Variants in SCARA5 observed in about 807,000 individuals in gnomAD.
The protein encoded by SCARA5 is scavenger receptor class A member 5.
A neutral mutation model predicts 46.3 loss-of-function variants in SCARA5; 45 were observed. The ratio of observed to expected loss-of-function variants is 0.97; its 90% CI spans 0.76 to 1.24. The LOEUF is 1.24. Among genes scored for constraint, SCARA5 ranks in the 50% most tolerant of loss-of-function variants. The pLI, the probability that SCARA5 is intolerant of heterozygous loss-of-function variation, is 0.00. For synonymous variants in SCARA5, 333 were observed against 306.5 expected, an observed-to-expected ratio of 1.09 and a Z score of -0.90; for missense variants, 680 against 689.0, an observed-to-expected ratio of 0.99 and a Z score of 0.15.
intron 3 of SCARA5, among the ~76,000 whole-genome samples, chr8:27,965,193 A>T (rs893034495): frequency 6.6e-6 from 1 of 152,200 alleles, no homozygotes; most frequent in African/African-American, 2.4e-5. Flanking sequence ...GGCAGCATTG[A>T]ACACCCCATT....
chr8:27,891,136 A>G (rs1031962246), intron 7 of SCARA5, among the ~76,000 whole-genome samples: 1 of 151,968 alleles, frequency 6.6e-6, no homozygotes, highest in Non-Finnish European at 1.5e-5. Flanking sequence ...CTGAACCTCA[A>G]CCTTCCCTCT....
At chr8:27,959,983 A>G (rs901606682) in intron 3 of SCARA5, among the ~76,000 whole-genome samples, 2 of 152,188 alleles carry the variant, frequency 1.3e-5, no homozygotes, top group East Asian at 1.9e-4. Flanking sequence ...GACCTCTCCA[A>G]CAATGTCTCC....
intron 7 of SCARA5, among the ~76,000 whole-genome samples, chr8:27,887,486 G>A (rs1215653012): frequency 6.6e-6 from 1 of 152,146 alleles, no homozygotes; most frequent in East Asian, 1.9e-4. Context: ...AATGGCACCG[G>A]CACATAGCAT....
At chr8:27,925,929 C>T (rs542642425) in intron 3 of SCARA5, among the ~76,000 whole-genome samples, 163 of 152,286 alleles carry the variant, frequency 1.1e-3, no homozygotes, top group African/African-American at 3.8e-3. Flanking sequence ...GAATGGCAAT[C>T]ATTAAAAAGT....
At chr8:27,944,324 G>A (rs1283498539) in intron 3 of SCARA5, among the ~76,000 whole-genome samples, 1 of 152,162 alleles carries the variant, frequency 6.6e-6, no homozygotes, top group Non-Finnish European at 1.5e-5. Context: ...TTCAGTAATT[G>A]TATAGTGGTG....
chr8:27,972,951 A>G (rs1329697564), intron 2 of SCARA5, among the ~76,000 whole-genome samples: 1 of 152,168 alleles, frequency 6.6e-6, no homozygotes, highest in African/African-American at 2.4e-5. Flanking sequence ...CATCTTTCAC[A>G]CCATCCTCAT....
chr8:27,976,384 G>C (rs553329197), intron 2 of SCARA5, among the ~76,000 whole-genome samples: 49 of 152,314 alleles, frequency 3.2e-4, no homozygotes, highest in African/African-American at 1.0e-3. Flanking sequence ...TCCCCATACA[G>C]AGTGGCCCCA....
intron 3 of SCARA5, among the ~76,000 whole-genome samples, chr8:27,954,466 A>G (rs2129909248): frequency 6.6e-6 from 1 of 152,332 alleles, no homozygotes; most frequent in African/African-American, 2.4e-5. Context: ...TTCACAGTGT[A>G]TACACACTAA....
At chr8:27,955,126 CA>C (rs2129910827) in intron 3 of SCARA5, among the ~76,000 whole-genome samples, 1 of 152,306 alleles carries the variant, frequency 6.6e-6, no homozygotes, top group East Asian at 1.9e-4. Flanking sequence ...CATGTTCATC[CA>C]GGGGCTCCAG....
chr8:27,948,686 A>G (rs1808075482), intron 3 of SCARA5, among the ~76,000 whole-genome samples: 1 of 152,162 alleles, frequency 6.6e-6, no homozygotes, highest in Admixed American at 6.5e-5. Context: ...CAAACAGCTG[A>G]GCGCAGGAAG....
In SCARA5 at chr8:27,922,190, G is replaced by A; in HGVS notation, c.297C>T (p.Asn99=). 6.2e-7 allele frequency: 1 copy of A among 1,601,922 alleles called. No individual in the cohort carries two copies. Among genetic ancestry groups the A allele is most frequent in the Non-Finnish European group, 8.5e-7 (1 of 1,174,512 alleles). Residue 99 remains asparagine (N), a synonymous_variant, in exon 4 of 9, where the codon AAC becomes AAT. Transcript: ENST00000354914. ...DDLKALTRNV[N]RLNESFRDLQ... is the part of the protein sequence containing the mutation. ...AGTCCCGGAAGCTCTCATTCAGCCG[G>A]TTCACATTGCGAGTCAGGGCCTTCA...
chr8:27,931,828 T>C (rs1299539216), intron 3 of SCARA5, among the ~76,000 whole-genome samples: 1 of 151,962 alleles, frequency 6.6e-6, no homozygotes, highest in Non-Finnish European at 1.5e-5. Context: ...CTAATTTTTG[T>C]ATTTTCAGTA....
At chr8:27,903,533 AT>A (rs1160411836) in intron 7 of SCARA5, 2 of 152,338 alleles carry the variant, frequency 1.3e-5, no homozygotes, top group South Asian at 2.1e-4. Flanking sequence ...ATAATTTTTC[AT>A]GTCATTAGTC....
intron 7 of SCARA5, among the ~76,000 whole-genome samples, chr8:27,902,889 G>A (rs377385284): frequency 1.6e-4 from 25 of 152,276 alleles, no homozygotes; most frequent in African/African-American, 5.1e-4. Flanking sequence ...TGTGAAGCTC[G>A]CAGATGGCCT....
intron 7 of SCARA5, among the ~76,000 whole-genome samples, chr8:27,882,552 A>C (rs1042508853): frequency 3.9e-5 from 6 of 152,182 alleles, no homozygotes; most frequent in African/African-American, 1.4e-4. Flanking sequence ...GTGTCCCGGG[A>C]AGTGTCTCAG....
chr8:27,988,885 C>T (rs1808743495), intron 1 of SCARA5, among the ~76,000 whole-genome samples: 1 of 152,092 alleles, frequency 6.6e-6, no homozygotes, highest in African/African-American at 2.4e-5. Flanking sequence ...AAACTCAACC[C>T]TTCAACCCAG....
intron 2 of SCARA5, among the ~76,000 whole-genome samples, chr8:27,986,929 C>A (rs1808713696): frequency 6.6e-6 from 1 of 152,226 alleles, no homozygotes; most frequent in Non-Finnish European, 1.5e-5. Flanking sequence ...TGGAAAAGCG[C>A]TCTGGGCTCC....
rs142212493 is a variant in SCARA5, at chr8:27,933,956, A to C, written c.242-11711T>G. ...GGGTATGCATACGGATGGAGCTAGC[A>C]AAAGAAAATGAAAAAGGAAGCTAGT... On this transcript the variant is annotated intron_variant, in intron 3 of 8. Coordinates refer to ENST00000354914, the MANE Select transcript of SCARA5 (RefSeq NM_173833.6). Among the ~76,000 whole-genome samples, 373 of 152,372 alleles carry C rather than the reference A, an allele frequency of 2.4e-3. 3 individuals are homozygous for C. The highest frequency in any genetic ancestry group is 0.02 in the Admixed American group (302 of 15,304).
Position 27,913,178 on chromosome 8 carries a change from TAAACATA to T in SCARA5, c.917-3442_917-3436del, listed in dbSNP as rs557967430. Among the ~76,000 whole-genome samples the T allele has an allele frequency of 7.9e-5, 12 of 152,314 alleles. No homozygotes were observed. The East Asian group carries it at 2.1e-3, about 27-fold the overall frequency. On this transcript the variant is annotated intron_variant, in intron 4 of 8. Transcript: ENST00000354914. ...AACATGCTACAGATGGATTTTGTTT[TAAACATA>T]ACTATGTGGTTATGAAGGTCTTTAC...
Sources: gnomAD v4.1 joint callset for allele counts (sites outside exome capture counted in the v4.1 genomes callset) on GRCh38, gnomAD v4.1.1 for gene constraint, MANE v1.5 for transcripts, NCBI Gene and HGNC (gene_info 2026-07-23, HGNC 2026-07-21) for gene names.